DPP10: variants seen among roughly 807,000 people sequenced by gnomAD.
DPP10 encodes the protein dipeptidyl peptidase like 10, also known as inactive dipeptidyl peptidase 10.
DPP10 carries 33 observed loss-of-function variants against 120.9 expected under a neutral mutation model. The ratio of observed to expected loss-of-function variants is 0.27; its 90% confidence interval spans 0.21 to 0.37. The LOEUF is 0.37. DPP10 is among the 10% of genes least tolerant of loss of function. DPP10 has a pLI of 1.00. For missense variants in DPP10, 816 were observed against 942.8 expected (o/e 0.87, Z 1.76); for synonymous variants, 337 against 326.1 (o/e 1.03, Z -0.36).
chr2:114,528,470 G>T lies in DPP10; in HGVS notation c.60+85632G>T, dbSNP rs191623605. On this transcript the variant is annotated intron_variant, in intron 1 of 25. Coordinates refer to ENST00000410059, the MANE Select transcript of DPP10 (RefSeq NM_020868.6). ...CAGCCTAACTCTAGCTGGATGCTCA[G>T]TCCAAACTCTAGGATGAGGGTCAAG... 3.3e-5 allele frequency among the ~76,000 whole-genome samples: 5 copies of T among 152,058 alleles called. No homozygotes were observed. The East Asian group carries it at 9.7e-4, about 29-fold the overall frequency.
At chr2:115,592,894 C>A (rs957240958) in intron 5 of DPP10, among the ~76,000 whole-genome samples, 1 of 152,138 alleles carries the variant, frequency 6.6e-6, no homozygotes, top group Non-Finnish European at 1.5e-5. Flanking sequence ...TGTTTGCTGG[C>A]ACTGCAGCAG....
chr2:115,659,152 TA>T, intron 5 of DPP10, among the ~76,000 whole-genome samples: 1 of 152,116 alleles, frequency 6.6e-6, no homozygotes, highest in Non-Finnish European at 1.5e-5. Flanking sequence ...CCTTTCCACC[TA>T]AAGCCAGGAG....
At chr2:114,797,591 T>A (rs1683823563) in intron 1 of DPP10, among the ~76,000 whole-genome samples, 1 of 152,222 alleles carries the variant, frequency 6.6e-6, no homozygotes. Flanking sequence ...AACCAATGTT[T>A]GAACAACTAG....
At chr2:115,073,817 C>A (rs532137042) in intron 1 of DPP10, among the ~76,000 whole-genome samples, 1 of 152,200 alleles carries the variant, frequency 6.6e-6, no homozygotes, top group Non-Finnish European at 1.5e-5. Context: ...ATTGAACACA[C>A]AGGAAGTGCT....
intron 2 of DPP10, among the ~76,000 whole-genome samples, chr2:115,333,090 T>A (rs888264641): frequency 6.6e-6 from 1 of 152,180 alleles, no homozygotes; most frequent in Non-Finnish European, 1.5e-5. Context: ...GGACTTGCTT[T>A]ATGAATCTGG....
At chr2:115,203,403 A>G (rs1314917431) in intron 1 of DPP10, among the ~76,000 whole-genome samples, 1 of 152,178 alleles carries the variant, frequency 6.6e-6, no homozygotes, top group Non-Finnish European at 1.5e-5. Flanking sequence ...GGAAGATGTT[A>G]GATAATGGCA....
chr2:115,323,141 T>C (rs560091129), intron 2 of DPP10, among the ~76,000 whole-genome samples: 1 of 152,220 alleles, frequency 6.6e-6, no homozygotes, highest in East Asian at 1.9e-4. Flanking sequence ...AAAATGGGAG[T>C]TTCTTCTCTC....
intron 1 of DPP10, among the ~76,000 whole-genome samples, chr2:114,929,312 G>A (rs887431173): frequency 3.3e-5 from 5 of 152,106 alleles, no homozygotes; most frequent in Admixed American, 2.0e-4. Context: ...AACAGGAAAC[G>A]GGGTTCAAGA....
chr2:114,510,182 T>C (rs1684011035), intron 1 of DPP10, among the ~76,000 whole-genome samples: 1 of 152,230 alleles, frequency 6.6e-6, no homozygotes, highest in Non-Finnish European at 1.5e-5. Context: ...GCATAAGTTT[T>C]AGTCATGCAA....
At chr2:115,541,242 C>CA (rs1222536289) in intron 5 of DPP10, among the ~76,000 whole-genome samples, 8 of 151,860 alleles carry the variant, frequency 5.3e-5, no homozygotes, top group African/African-American at 1.7e-4. Context: ...TCCCATGCCC[C>CA]AAAAAATATC....
At chr2:115,356,497 C>T (rs1289365482) in intron 3 of DPP10, among the ~76,000 whole-genome samples, 1 of 152,068 alleles carries the variant, frequency 6.6e-6, no homozygotes, top group African/African-American at 2.4e-5. Flanking sequence ...ATGTTGTCTG[C>T]AAACAGACAC....
At chr2:115,419,992 GA>G (rs1223721567) in intron 3 of DPP10, among the ~76,000 whole-genome samples, 24 of 152,014 alleles carry the variant, frequency 1.6e-4, no homozygotes, top group African/African-American at 5.6e-4. Context: ...TTAACTGAGG[GA>G]AAAAATGTGT....
chr2:114,606,526 C>T (rs1246008738), intron 1 of DPP10, among the ~76,000 whole-genome samples: 1 of 152,066 alleles, frequency 6.6e-6, no homozygotes, highest in Non-Finnish European at 1.5e-5. Context: ...TGTATTCCTT[C>T]TTATAGAGAA....
chr2:114,603,767 T>A (rs1159861193), intron 1 of DPP10, among the ~76,000 whole-genome samples: 3 of 152,046 alleles, frequency 2.0e-5, no homozygotes, highest in African/African-American at 7.2e-5. Flanking sequence ...ACAGCACCTG[T>A]AGCCAGACAT....
intron 1 of DPP10, among the ~76,000 whole-genome samples, chr2:114,566,765 C>T (rs1689233938): frequency 6.6e-6 from 1 of 152,218 alleles, no homozygotes; most frequent in African/African-American, 2.4e-5. Flanking sequence ...AGTCCTGGGT[C>T]TTCATCCCAG....
intron 24 of DPP10, among the ~76,000 whole-genome samples, chr2:115,837,030 A>T (rs1689611959): frequency 6.6e-6 from 1 of 152,218 alleles, no homozygotes; most frequent in Non-Finnish European, 1.5e-5. Context: ...TTGTGGCCAT[A>T]CCTTGTTTAG....
chr2:114,475,586 C>A (rs1680306234), intron 1 of DPP10, among the ~76,000 whole-genome samples: 2 of 152,076 alleles, frequency 1.3e-5, no homozygotes, highest in South Asian at 4.1e-4. Context: ...ATCCAGTGCC[C>A]AGTCATAATC....
intron 3 of DPP10, among the ~76,000 whole-genome samples, chr2:115,484,802 T>G (rs2075666381): frequency 6.6e-6 from 1 of 152,172 alleles, no homozygotes; most frequent in Admixed American, 6.6e-5. Flanking sequence ...CAGGAGTTTC[T>G]GATACTTCAA....
At chr2:115,692,300 A>G (rs1378678486) in intron 7 of DPP10, among the ~76,000 whole-genome samples, 5 of 151,868 alleles carry the variant, frequency 3.3e-5, no homozygotes, top group African/African-American at 9.7e-5. Flanking sequence ...TTTTTATGTG[A>G]TGGATAATTT....
Sources: gnomAD v4.1 joint callset for allele counts (sites outside exome capture counted in the v4.1 genomes callset) on GRCh38, gnomAD v4.1.1 for gene constraint, MANE v1.5 for transcripts, NCBI Gene and HGNC (gene_info 2026-07-23, HGNC 2026-07-21) for gene names.